The following LPP variants were observed in gnomAD, a reference collection of about 807,000 sequenced individuals.
LPP encodes the protein LIM domain containing preferred translocation partner in lipoma.
Under a neutral mutation model 60.4 loss-of-function variants are expected in LPP, and 38 were observed. That is an observed-to-expected ratio of 0.63 (90% CI 0.49 to 0.83). The LOEUF is 0.83. Among genes scored for constraint, LPP ranks in the 40% least tolerant of loss-of-function variants. The probability of loss-of-function intolerance (pLI) is 0.00; values close to 1 mark genes in which losing one functional copy is unlikely to be tolerated. For missense variants in LPP, 902 were observed against 783.6 expected, an observed-to-expected ratio of 1.15 and a Z score of -1.80; for synonymous variants, 328 against 290.8, an observed-to-expected ratio of 1.13 and a Z score of -1.30.
intron 4 of LPP, among the ~76,000 whole-genome samples, chr3:188,409,819 G>A (rs991904512): frequency 4.6e-5 from 7 of 152,144 alleles, no homozygotes; most frequent in African/African-American, 7.2e-5. Context: ...TAGAAATCAC[G>A]CAATCCATCT....
At chr3:188,833,708 T>C (rs895334694) in intron 9 of LPP, among the ~76,000 whole-genome samples, 1 of 152,124 alleles carries the variant, frequency 6.6e-6, no homozygotes, top group African/African-American at 2.4e-5. Flanking sequence ...ATTCATTTAT[T>C]TTCTTTAGAG....
At position 188,883,183 on chromosome 3, in the gene LPP, T is replaced by C. The variant is rs1770252775; in HGVS notation, c.*8704T>C. 1 of 218,060 alleles carries C rather than the reference T, an allele frequency of 4.6e-6. No individual in the cohort carries two copies. The highest frequency in any genetic ancestry group is 9.2e-6 in the Non-Finnish European group (1 of 108,440). The allele number at this position is 218,060 out of a possible 1,614,324, so 13.5% of individuals were successfully genotyped here. On this transcript the variant is annotated 3_prime_UTR_variant, in exon 12 of 12. Transcript: ENST00000617246. ...GATACAGTGTTGCTTCCCCCCTCCT[T>C]TTCCTTCCATATATATTTGTTTTGT...
At chr3:188,398,747 G>A (rs1055934520) in intron 3 of LPP, among the ~76,000 whole-genome samples, 2 of 152,332 alleles carry the variant, frequency 1.3e-5, no homozygotes, top group African/African-American at 2.4e-5. Context: ...TATCTGCTTC[G>A]CAATTACGCT....
intron 2 of LPP, among the ~76,000 whole-genome samples, chr3:188,310,130 G>A (rs1270390867): frequency 1.3e-5 from 2 of 151,930 alleles, no homozygotes; most frequent in African/African-American, 4.8e-5. Context: ...TCAGCTTTAA[G>A]ATCTCTTTAA....
At chr3:188,713,066 AG>A (rs1281762854) in intron 8 of LPP, among the ~76,000 whole-genome samples, 1 of 152,200 alleles carries the variant, frequency 6.6e-6, no homozygotes, top group Non-Finnish European at 1.5e-5. Flanking sequence ...AAAGGAGAAA[AG>A]GAACTTTTAT....
rs143494985 is a variant in LPP, at chr3:188,235,590, C to T, written c.-67+10063C>T. 1.6e-4 allele frequency among the ~76,000 whole-genome samples: 24 copies of T among 152,214 alleles called. No homozygotes were observed. In the East Asian group the frequency reaches 4.4e-3, roughly 28 times the overall value. Reference sequence around the variant, plus strand: ...TTTGGAGTAAAGTGATTGTTCCTTTCTCCATAATCTTGGCACATGTAAGTG... The same window carrying T: ...TTTGGAGTAAAGTGATTGTTCCTTTTTCCATAATCTTGGCACATGTAAGTG... On this transcript the variant is annotated intron_variant, in intron 2 of 11. Transcript: ENST00000617246.
intron 7 of LPP, among the ~76,000 whole-genome samples, chr3:188,624,779 T>TTTCCTTCCTTCCTTCCTTCCTTCC (rs10662278): frequency 8.6e-4 from 52 of 60,812 alleles, no homozygotes; most frequent in South Asian, 2.2e-3. Context: ...CTTCCTTCCT[T>TTTCCTTCCTTCCTTCCTTCCTTCC]TTCCTTCCTT....
chr3:188,880,998 G>A lies in LPP; in HGVS notation c.*6519G>A, dbSNP rs936609286. The stretch of plus-strand genomic sequence containing the variant: ...AAAAAAAAATACAAAAAATTAGCCT[G>A]GCTCAGTGGCGGGCGCCTGTAGTCC... On this transcript the variant is annotated 3_prime_UTR_variant, in exon 12 of 12. Coordinates refer to ENST00000617246, the MANE Select transcript of LPP (RefSeq NM_001375462.1). 1.2e-5 allele frequency: 2 copies of A among 163,282 alleles called. No individual in the cohort carries two copies. The highest frequency in any genetic ancestry group is 4.8e-5 in the African/African-American group (2 of 41,684). 10.1% of individuals were successfully genotyped at this position (163,282 alleles called of 1,614,324 possible). A position where few individuals can be genotyped will look rare whatever the true frequency, so the allele number is the denominator to read the frequency against.
chr3:188,174,805 C>T (rs1438548635), intron 1 of LPP, among the ~76,000 whole-genome samples: 1 of 152,178 alleles, frequency 6.6e-6, no homozygotes, highest in Non-Finnish European at 1.5e-5. Context: ...ACCACCTCTT[C>T]CATGAAGCAT....
chr3:188,380,136 A>G (rs898142830), intron 3 of LPP, among the ~76,000 whole-genome samples: 2 of 152,216 alleles, frequency 1.3e-5, no homozygotes, highest in Non-Finnish European at 2.9e-5. Flanking sequence ...ACTCCCTCCC[A>G]AGTACTTTTC....
chr3:188,424,337 A>C (rs1305670625), intron 4 of LPP, among the ~76,000 whole-genome samples: 1 of 152,178 alleles, frequency 6.6e-6, no homozygotes, highest in Non-Finnish European at 1.5e-5. Flanking sequence ...TACCAGTACC[A>C]TGCTGTTTTG....
intron 9 of LPP, among the ~76,000 whole-genome samples, chr3:188,768,309 T>C (rs1161041840): frequency 6.6e-6 from 1 of 152,180 alleles, no homozygotes; most frequent in Non-Finnish European, 1.5e-5. Context: ...AAAGCTAGCG[T>C]GCTCCCAATA....
chr3:188,452,450 T>G (rs1796812992), intron 4 of LPP, among the ~76,000 whole-genome samples: 1 of 152,210 alleles, frequency 6.6e-6, no homozygotes, highest in African/African-American at 2.4e-5. Flanking sequence ...TCATTCGATA[T>G]TGTCAGCTAA....
chr3:188,317,925 C>A (rs931170567), intron 2 of LPP, among the ~76,000 whole-genome samples: 1 of 152,114 alleles, frequency 6.6e-6, no homozygotes, highest in African/African-American at 2.4e-5. Context: ...GAGTACCGAT[C>A]TGGAGACAAG....
chr3:188,743,444 G>A (rs1334242246), intron 8 of LPP, among the ~76,000 whole-genome samples: 1 of 151,968 alleles, frequency 6.6e-6, no homozygotes, highest in Non-Finnish European at 1.5e-5. Flanking sequence ...AAGAGCAAAA[G>A]TGTACAGACA....
At chr3:188,410,813 G>A (rs2148918944) in intron 4 of LPP, among the ~76,000 whole-genome samples, 1 of 152,202 alleles carries the variant, frequency 6.6e-6, no homozygotes, top group South Asian at 2.1e-4. Context: ...TTCTGTAGTG[G>A]TGATTTCTGA....
At chr3:188,786,382 C>CAAAAAAAAAAAAAAAAAAAAAA (rs57565042) in intron 9 of LPP, among the ~76,000 whole-genome samples, 1 of 76,644 alleles carries the variant, frequency 1.3e-5, no homozygotes, top group African/African-American at 4.8e-5. Context: ...GACTCCGTCT[C>CAAAAAAAAAAAAAAAAAAAAAA]AAAAAAAAAA....
chr3:188,735,610 C>A (rs1722231316), intron 8 of LPP, among the ~76,000 whole-genome samples: 1 of 152,082 alleles, frequency 6.6e-6, no homozygotes, highest in Non-Finnish European at 1.5e-5. Flanking sequence ...TCTTGAACTC[C>A]TGACCTCAGG....
intron 6 of LPP, among the ~76,000 whole-genome samples, chr3:188,563,002 G>A (rs984744696): frequency 2.0e-5 from 3 of 151,892 alleles, no homozygotes; most frequent in African/African-American, 7.3e-5. Context: ...GTGGCTTTAT[G>A]TTCATTATCA....
Sources: gnomAD v4.1 joint callset for allele counts (sites outside exome capture counted in the v4.1 genomes callset) on GRCh38, gnomAD v4.1.1 for gene constraint, MANE v1.5 for transcripts, NCBI Gene and HGNC (gene_info 2026-07-23, HGNC 2026-07-21) for gene names.